The following AHCTF1 variants were observed in gnomAD, a reference collection of about 807,000 sequenced individuals.
AHCTF1 encodes the protein protein ELYS.
A neutral mutation model predicts 248.4 loss-of-function variants in AHCTF1; 24 were observed. The ratio of observed to expected loss-of-function variants is 0.10; its 90% CI spans 0.07 to 0.14. The LOEUF (loss-of-function observed/expected upper bound fraction) is 0.14, where lower values mean the gene tolerates loss of function less well. Ranked by LOEUF, AHCTF1 falls within the 10% of genes least tolerant of loss-of-function variation. The probability of loss-of-function intolerance (pLI) is 1.00; values close to 1 mark genes in which losing one functional copy is unlikely to be tolerated. For synonymous variants in AHCTF1, 786 were observed against 929.8 expected (o/e 0.85, Z 2.81); for missense variants, 2,206 against 2,636.2 (o/e 0.84, Z 3.57).
At chr1:246,856,199 G>C (rs1301303919) in intron 30 of AHCTF1, among the ~76,000 whole-genome samples, 1 of 152,138 alleles carries the variant, frequency 6.6e-6, no homozygotes, top group East Asian at 1.9e-4. Context: ...CTCAGTAGAG[G>C]CAAGGTTCAA....
At position 246,850,918 on chromosome 1, in the gene AHCTF1, T is replaced by C. The variant is rs531599964; in HGVS notation, c.5088A>G (p.Thr1696=). The C allele has an allele frequency of 6.2e-6, 10 of 1,613,874 alleles. No homozygotes were observed. The highest frequency in any genetic ancestry group is 7.6e-6 in the Non-Finnish European group (9 of 1,179,876). The change falls in exon 33 of 36, where the codon ACA becomes ACG. Residue 1696 remains threonine, a synonymous_variant. Coordinates refer to ENST00000648844, the MANE Select transcript of AHCTF1 (RefSeq NM_001323342.2). The part of the protein sequence containing the change: ...SDTMEQSIHE[T]IPLVSQNIMC... ...TTATGTTTTGGCTCACTAAAGGTATTGTTTCATGAATGGACTGTTCCATTG... is the reference window on the plus strand; with the variant it reads ...TTATGTTTTGGCTCACTAAAGGTATCGTTTCATGAATGGACTGTTCCATTG...
chr1:246,894,467 C>T (rs111878868), intron 14 of AHCTF1, among the ~76,000 whole-genome samples, 192 bp downstream of exon 14: 4,010 of 152,040 alleles, frequency 0.026, 181 homozygotes, highest in African/African-American at 0.092. Context: ...CGTTTGAACC[C>T]GGGAGGTGGA....
At chr1:246,877,899 G>T (rs1474630839) in intron 21 of AHCTF1, among the ~76,000 whole-genome samples, 2 of 151,992 alleles carry the variant, frequency 1.3e-5, no homozygotes, top group East Asian at 1.9e-4. Context: ...TCAGGTAGGA[G>T]AATTTTTTTA....
At chr1:246,852,373 G>C (rs1466318906) in intron 32 of AHCTF1, among the ~76,000 whole-genome samples, 1 of 94,262 alleles carries the variant, frequency 1.1e-5, no homozygotes, top group Non-Finnish European at 2.5e-5. Flanking sequence ...ATAATTAGAA[G>C]AGTTGGTTTT....
At chr1:246,927,187 AAAAG>A (rs1250326216) in intron 1 of AHCTF1, among the ~76,000 whole-genome samples, 2 of 151,634 alleles carry the variant, frequency 1.3e-5, no homozygotes, top group African/African-American at 2.4e-5. Context: ...CAAAAAAAAA[AAAAG>A]AAAGAAATAG....
At chr1:246,894,981 G>A (rs1664472023) in intron 13 of AHCTF1, among the ~76,000 whole-genome samples, 2 of 151,708 alleles carry the variant, frequency 1.3e-5, no homozygotes, top group African/African-American at 4.8e-5. Context: ...AGGAGCGACG[G>A]CAAGCACAAA....
rs944820586 is a variant in AHCTF1 at position 246,850,949 on chromosome 1, G to A, written c.5057C>T (p.Ser1686Leu). Residue 1686 changes from serine (S) to leucine (L), a missense_variant, in exon 33 of 36, where the codon TCA becomes TTA. Physicochemically the swap from Ser to Leu is moderately radical, Grantham distance 145. Coordinates refer to ENST00000648844, the MANE Select transcript of AHCTF1 (RefSeq NM_001323342.2). ...ATGAATGGACTGTTCCATTGTATCT[G>A]AAGTAATTTCTTTACTTCTTGTGTC... ...IKDTRSKEITSDTMEQSIHET... is the reference protein window; with the variant it reads ...IKDTRSKEITLDTMEQSIHET... 6 of 1,613,778 alleles carry A rather than the reference G, an allele frequency of 3.7e-6. No individual in the cohort carries two copies. In the African/African-American group the frequency reaches 8.0e-5, roughly 22 times the overall value.
intron 13 of AHCTF1, 77 bp downstream of exon 13, chr1:246,895,758 C>G: frequency 8.1e-7 from 1 of 1,238,610 alleles, no homozygotes; most frequent in Non-Finnish European, 1.1e-6. Flanking sequence ...ATTAAAATAA[C>G]TAAGAAAAAA....
At chr1:246,892,038 T>C (rs1159780166) in intron 14 of AHCTF1, 119 bp from the exon 15 acceptor site, 1 of 1,161,530 alleles carries the variant, frequency 8.6e-7, no homozygotes, top group African/African-American at 1.6e-5. Flanking sequence ...CATTATGAGA[T>C]TTATAAAGAC....
At chr1:246,905,478 C>T (rs1401284947) in intron 6 of AHCTF1, 63 bp downstream of exon 6, 2 of 1,355,948 alleles carry the variant, frequency 1.5e-6, no homozygotes, top group Non-Finnish European at 2.1e-6. Flanking sequence ...GCCTGGACAA[C>T]AGAGCGAGAC....
chr1:246,926,469 T>C (rs2047190), intron 1 of AHCTF1, among the ~76,000 whole-genome samples: 6,572 of 152,338 alleles, frequency 0.043, 488 homozygotes, highest in African/African-American at 0.15. Flanking sequence ...ATAAAGTTTT[T>C]CAAATTTAAC....
At chr1:246,859,639 G>A (rs1031034421) in intron 29 of AHCTF1, among the ~76,000 whole-genome samples, 3 of 152,036 alleles carry the variant, frequency 2.0e-5, no homozygotes, top group African/African-American at 4.8e-5. Flanking sequence ...GCGCAATCAC[G>A]GCTCACTGCA....
intron 1 of AHCTF1, among the ~76,000 whole-genome samples, chr1:246,927,482 G>A (rs148853953): frequency 3.9e-4 from 60 of 152,196 alleles, no homozygotes; most frequent in Middle Eastern, 3.4e-3. Context: ...CAGCCTGACT[G>A]TCTCAAAAAG....
At chr1:246,930,587 A>AT (rs1491438519) in intron 1 of AHCTF1, among the ~76,000 whole-genome samples, 2 of 128,732 alleles carry the variant, frequency 1.6e-5, no homozygotes, top group East Asian at 4.5e-4. Flanking sequence ...AAAACAGTTT[A>AT]AAAAAAAAAA....
intron 27 of AHCTF1, among the ~76,000 whole-genome samples, chr1:246,862,448 C>T (rs2103069334): frequency 6.6e-6 from 1 of 151,712 alleles, no homozygotes; most frequent in Admixed American, 6.6e-5. Flanking sequence ...CCACTGCACT[C>T]CAGCCTGGGC....
chr1:246,910,980 C>T (rs1288832029), intron 4 of AHCTF1, among the ~76,000 whole-genome samples: 2 of 152,176 alleles, frequency 1.3e-5, no homozygotes, highest in African/African-American at 2.4e-5. Flanking sequence ...TCAGTGAAGC[C>T]TAAACAGTTG....
chr1:246,848,190 T>C (rs1558207881), intron 33 of AHCTF1, among the ~76,000 whole-genome samples: 1 of 152,154 alleles, frequency 6.6e-6, no homozygotes, highest in Non-Finnish European at 1.5e-5. Flanking sequence ...GTCATTCTCC[T>C]GGGCTCAAAC....
At position 246,892,545 on chromosome 1, in the gene AHCTF1, T is replaced by A. The variant is rs533094204; in HGVS notation, c.1805-626A>T. 2.6e-5 allele frequency among the ~76,000 whole-genome samples: 4 copies of A among 152,220 alleles called. No individual in the cohort carries two copies. The East Asian group carries it at 7.7e-4, about 29-fold the overall frequency. ...CATGTTGGCCAGGCTGGCCTCGAAC[T>A]CCTGACCTCAGGTGATCCGCCCGCC... is the stretch of plus-strand genomic sequence containing the variant. On this transcript the variant is annotated intron_variant, in intron 14 of 35. Coordinates refer to ENST00000648844, the MANE Select transcript of AHCTF1 (RefSeq NM_001323342.2).
intron 15 of AHCTF1, 115 bp from the exon 16 acceptor site, chr1:246,891,175 T>C (rs1221948463): frequency 6.7e-6 from 4 of 592,622 alleles, no homozygotes; most frequent in Admixed American, 7.9e-5. Context: ...ATTTTACATA[T>C]ACATATTTGT....
Sources: gnomAD v4.1 joint callset for allele counts (sites outside exome capture counted in the v4.1 genomes callset) on GRCh38, gnomAD v4.1.1 for gene constraint, MANE v1.5 for transcripts, NCBI Gene and HGNC (gene_info 2026-07-23, HGNC 2026-07-21) for gene names.